ABCA10: variants seen among roughly 807,000 people sequenced by gnomAD.
The protein encoded by ABCA10 is ATP-binding cassette sub-family A member 10.
ABCA10 carries 169 observed loss-of-function variants against 187.5 expected under a neutral mutation model. That is an observed-to-expected ratio of 0.90 (90% CI 0.80 to 1.02). The LOEUF is 1.02. Ranked by LOEUF, ABCA10 falls within the 50% of genes least tolerant of loss-of-function variation. ABCA10 has a pLI of 0.00. For missense variants in ABCA10, 1,727 were observed against 1,812.4 expected, an observed-to-expected ratio of 0.95 and a Z score of 0.86; for synonymous variants, 574 against 601.8, an observed-to-expected ratio of 0.95 and a Z score of 0.68.
chr17:69,195,197 G>A (rs2074488917), intron 11 of ABCA10, among the ~76,000 whole-genome samples: 1 of 152,072 alleles, frequency 6.6e-6, no homozygotes, highest in Non-Finnish European at 1.5e-5. Context: ...AAAACAGAGG[G>A]AATTAGATTG....
At chr17:69,213,904 T>C (rs12951091) in intron 9 of ABCA10, among the ~76,000 whole-genome samples, 82,921 of 152,114 alleles carry the variant, frequency 0.55, 24,558 homozygotes, top group Non-Finnish European at 0.67. Flanking sequence ...AAAGCATTCT[T>C]ATTGGGCTGA....
In ABCA10 at chr17:69,219,180, G is replaced by A. The variant is rs1487443742; in HGVS notation, c.530+365C>T. Among the ~76,000 whole-genome samples the A allele has an allele frequency of 2.0e-5, 3 of 152,200 alleles. No homozygotes were observed. The East Asian group carries it at 5.8e-4, about 29-fold the overall frequency. Reference sequence around the variant, plus strand: ...AAGTGAGTCACAGGAAGAACACCTGGATCTAACCTGTACCTTGAATCCAAG... The same window carrying A: ...AAGTGAGTCACAGGAAGAACACCTGAATCTAACCTGTACCTTGAATCCAAG... On this transcript the variant is annotated intron_variant, in intron 6 of 38. Coordinates refer to ENST00000690296, the MANE Select transcript of ABCA10 (RefSeq NM_001377321.1).
At position 69,160,040 on chromosome 17, in the gene ABCA10, T is replaced by C. The variant is rs551575949; in HGVS notation, c.3364-3117A>G. Among the ~76,000 whole-genome samples, 29 of 152,140 alleles carry C rather than the reference T, an allele frequency of 1.9e-4. No homozygotes were observed. The East Asian group carries it at 5.2e-3, about 27-fold the overall frequency. On this transcript the variant is annotated intron_variant, in intron 27 of 38. Coordinates refer to ENST00000690296, the MANE Select transcript of ABCA10 (RefSeq NM_001377321.1). ...GGAAGACCTAAAACTATAAAACTCA[T>C]AGAAAAAAACTTAATAAAATTGGAC...
At chr17:69,193,049 AAAAAT>A in intron 15 of ABCA10, 56 bp downstream of exon 15, 1 of 1,527,406 alleles carries the variant, frequency 6.5e-7, no homozygotes, top group South Asian at 1.3e-5. Flanking sequence ...ACAGGCTATG[AAAAAT>A]AACTCTCATG....
intron 5 of ABCA10, among the ~76,000 whole-genome samples, chr17:69,220,188 A>C (rs2074736945): frequency 6.6e-6 from 1 of 152,124 alleles, no homozygotes; most frequent in Non-Finnish European, 1.5e-5. Context: ...TAAAGAAGTG[A>C]CATTTTTACT....
intron 25 of ABCA10, 120 bp from the exon 26 acceptor site, chr17:69,165,203 T>A (rs766823273): frequency 4.8e-6 from 4 of 826,204 alleles, no homozygotes; most frequent in Non-Finnish European, 5.6e-6. Context: ...ACCTCACAGA[T>A]AGAAATATTC....
chr17:69,214,389 C>T (rs1407158702), intron 9 of ABCA10, among the ~76,000 whole-genome samples: 1 of 149,880 alleles, frequency 6.7e-6, no homozygotes, highest in Non-Finnish European at 1.5e-5. Flanking sequence ...GTGGCGGGCG[C>T]CTGTAGTCCC....
intron 19 of ABCA10, 54 bp from the exon 20 acceptor site, chr17:69,185,697 TA>T: frequency 7.0e-7 from 1 of 1,427,000 alleles, no homozygotes; most frequent in South Asian, 1.4e-5. Flanking sequence ...TCTGGTTATT[TA>T]AGTCACAAAG....
Position 69,153,336 on chromosome 17 carries a change from C to A in ABCA10, c.4105G>T (p.Gly1369Trp), listed in dbSNP as rs779392624. ...SVVLLDEPFT[G>W]MDPEGQQQMW... ...TGCTGCTGCCCCTCGGGGTCCATCC[C>A]GGTGAACGGCTCATCTAGAAGCACC... The change falls in exon 34 of 39, where the codon GGG becomes TGG. Residue 1369 changes from glycine (G) to tryptophan (W), a missense_variant. By Grantham distance (184) the Gly-to-Trp change is radical. Transcript: ENST00000690296. The A allele has an allele frequency of 1.8e-5, 29 of 1,613,014 alleles. No homozygotes were observed. Among genetic ancestry groups the A allele is most frequent in the Admixed American group, 1.2e-4 (7 of 59,862 alleles).
chr17:69,207,602 GACA>G (rs796589944), intron 9 of ABCA10, among the ~76,000 whole-genome samples: 67 of 152,300 alleles, frequency 4.4e-4, no homozygotes, highest in Middle Eastern at 3.4e-3. Context: ...TGTCATTTGT[GACA>G]ACATGCATGA....
rs571500196 is a variant in ABCA10 at position 69,189,441 on chromosome 17, T to A, written c.2131+917A>T. ...TATTATACCTTTGTTGGGTGCATAG[T>A]TTGCAAATATTTTCTCCCATTCTGT... On this transcript the variant is annotated intron_variant, in intron 18 of 38. Coordinates refer to ENST00000690296, the MANE Select transcript of ABCA10 (RefSeq NM_001377321.1). 5.5e-4 allele frequency among the ~76,000 whole-genome samples: 83 copies of A among 152,242 alleles called. No individual in the cohort carries two copies. The South Asian group carries it at 0.017, about 31-fold the overall frequency.
intron 21 of ABCA10, among the ~76,000 whole-genome samples, 184 bp from the exon 22 acceptor site, chr17:69,182,474 G>A (rs1598100866): frequency 6.6e-6 from 1 of 151,914 alleles, no homozygotes; most frequent in Non-Finnish European, 1.5e-5. Context: ...GACTTGTTTT[G>A]TAAATGAAAT....
At chr17:69,203,358 T>A (rs1269321948) in intron 9 of ABCA10, among the ~76,000 whole-genome samples, 2 of 152,172 alleles carry the variant, frequency 1.3e-5, no homozygotes, top group Non-Finnish European at 2.9e-5. Context: ...TAAAAACATA[T>A]CAAAAATCAA....
At chr17:69,174,221 G>T (rs2074316344) in intron 25 of ABCA10, 60 bp downstream of exon 25, 16 of 1,238,810 alleles carry the variant, frequency 1.3e-5, no homozygotes, top group Non-Finnish European at 1.6e-5. Flanking sequence ...ACTTAAATTT[G>T]CATTTAAAAA....
chr17:69,233,347 T>C (rs1279105524), upstream of ABCA10: 1 of 152,194 alleles, frequency 6.6e-6, no homozygotes, highest in African/African-American at 2.4e-5. Context: ...CTGCTCTTGA[T>C]GGTCTCTATT....
intron 22 of ABCA10, among the ~76,000 whole-genome samples, chr17:69,177,973 A>AATATATATATATATATATATGTTAT (rs58222975): frequency 2.0e-5 from 1 of 49,978 alleles, no homozygotes; most frequent in African/African-American, 6.1e-5. Context: ...AAAAAAAAAA[A>AATATATATATATATATATATGTTAT]ATATATATAT....
upstream of ABCA10, among the ~76,000 whole-genome samples, chr17:69,229,566 T>G (rs2144857549): frequency 6.6e-6 from 1 of 152,090 alleles, no homozygotes; most frequent in Non-Finnish European, 1.5e-5. Flanking sequence ...TTGGTATGCA[T>G]ACAGAAGCTA....
At chr17:69,214,093 A>T (rs1049641395) in intron 9 of ABCA10, among the ~76,000 whole-genome samples, 3 of 152,236 alleles carry the variant, frequency 2.0e-5, no homozygotes, top group Non-Finnish European at 4.4e-5. Context: ...ATCATTATTC[A>T]ATAGGTGATT....
At chr17:69,173,468 G>A (rs1184032560) in intron 25 of ABCA10, among the ~76,000 whole-genome samples, 1 of 152,004 alleles carries the variant, frequency 6.6e-6, no homozygotes, top group African/African-American at 2.4e-5. Flanking sequence ...CCTTCACCCT[G>A]TCCACAGAAA....
Sources: allele counts gnomAD v4.1 joint callset (sites outside exome capture counted in the v4.1 genomes callset), GRCh38; gene constraint gnomAD v4.1.1; transcripts MANE v1.5; gene names NCBI Gene and HGNC (gene_info 2026-07-23, HGNC 2026-07-21).